Variants in A1CF observed in about 807,000 individuals in gnomAD.
The protein encoded by A1CF is APOBEC-1 stimulating protein.
A1CF carries 48 observed loss-of-function variants against 68.9 expected under a neutral mutation model. The observed-to-expected ratio is 0.70, with a 90% confidence interval of 0.55 to 0.89. The LOEUF (loss-of-function observed/expected upper bound fraction) is 0.89. Among genes scored for constraint, A1CF ranks in the 40% least tolerant of loss-of-function variants. The probability of loss-of-function intolerance (pLI) is 0.00; values close to 1 mark genes in which losing one functional copy is unlikely to be tolerated. For synonymous variants in A1CF, 272 were observed against 260.4 expected, an observed-to-expected ratio of 1.04 and a Z score of -0.43; for missense variants, 653 against 718.9, an observed-to-expected ratio of 0.91 and a Z score of 1.05.
intron 11 of A1CF, among the ~76,000 whole-genome samples, chr10:50,810,621 C>A (rs112977519): frequency 3.3e-5 from 5 of 152,136 alleles, no homozygotes; most frequent in African/African-American, 7.2e-5. Flanking sequence ...ACTACAGGCG[C>A]CTGCTGAGTA....
chr10:50,806,561 G>T lies in A1CF; in HGVS notation c.*168C>A. On this transcript the variant is annotated 3_prime_UTR_variant, in exon 13 of 13. Transcript: ENST00000373997. ...ACATTTGATTTCATTTCAGAATAAC[G>T]TTCTTACTTCATGATTCTATAATTG... 1 of 507,814 alleles carries T rather than the reference G, an allele frequency of 2.0e-6. No individual in the cohort carries two copies. The highest frequency in any genetic ancestry group is 3.1e-6 in the Non-Finnish European group (1 of 327,790). The allele number at this position is 507,814 out of a possible 1,614,324, so 31.5% of individuals were successfully genotyped here. A position where few individuals can be genotyped will look rare whatever the true frequency, so the allele number is the denominator to read the frequency against.
At chr10:50,868,683 A>G (rs1303916259) in intron 1 of A1CF, among the ~76,000 whole-genome samples, 3 of 152,224 alleles carry the variant, frequency 2.0e-5, no homozygotes, top group African/African-American at 7.2e-5. Flanking sequence ...AAAGTTGTTC[A>G]TAGTGGACAT....
chr10:50,873,756 C>A (rs756935632), intron 1 of A1CF, among the ~76,000 whole-genome samples: 7 of 151,860 alleles, frequency 4.6e-5, no homozygotes, highest in Non-Finnish European at 8.8e-5. Flanking sequence ...TATATACCAT[C>A]CTATATGGAA....
At chr10:50,843,891 G>C in intron 4 of A1CF, 97 bp downstream of exon 4, 1 of 1,421,112 alleles carries the variant, frequency 7.0e-7, no homozygotes, top group South Asian at 1.2e-5. Flanking sequence ...AATGGAAACA[G>C]CCACTGACCA....
At chr10:50,814,099 A>C (rs1245540714) in intron 9 of A1CF, 61 bp from the exon 10 acceptor site, 1 of 1,583,568 alleles carries the variant, frequency 6.3e-7, no homozygotes, top group Non-Finnish European at 8.6e-7. Flanking sequence ...GAATCAAACC[A>C]CCAGAAAATC....
At chr10:50,848,359 A>G (rs1394939619) in intron 3 of A1CF, among the ~76,000 whole-genome samples, 1 of 152,234 alleles carries the variant, frequency 6.6e-6, no homozygotes, top group Non-Finnish European at 1.5e-5. Flanking sequence ...AGGTCCTATC[A>G]TTCTCAATTT....
chr10:50,806,958 A>C, intron 12 of A1CF, 78 bp from the exon 13 acceptor site: 2 of 1,428,992 alleles, frequency 1.4e-6, no homozygotes, highest in Non-Finnish European at 1.9e-6. Flanking sequence ...TTCTTTTAGA[A>C]ATACGAACAT....
chr10:50,823,303 G>T lies in A1CF; in HGVS notation c.770-2654C>A, dbSNP rs554732768. On this transcript the variant is annotated intron_variant, in intron 7 of 12. Coordinates refer to ENST00000373997, the MANE Select transcript of A1CF (RefSeq NM_014576.4). ...ATTATGTTTCTTCTTTAGTGCATAG[G>T]AGTTTGTTTAATAATTGATCCTCAT... Among the ~76,000 whole-genome samples, 8 of 152,202 alleles carry T rather than the reference G, an allele frequency of 5.3e-5. No homozygotes were observed. The South Asian group carries it at 1.5e-3, about 28-fold the overall frequency.
intron 1 of A1CF, among the ~76,000 whole-genome samples, chr10:50,866,301 G>T (rs1840986514): frequency 6.6e-6 from 1 of 152,120 alleles, no homozygotes; most frequent in South Asian, 2.1e-4. Context: ...ATCTCTTTCT[G>T]GTTTTATATT....
intron 1 of A1CF, among the ~76,000 whole-genome samples, chr10:50,875,441 G>C (rs1471020203): frequency 6.6e-6 from 1 of 152,182 alleles, no homozygotes; most frequent in Non-Finnish European, 1.5e-5. Flanking sequence ...AAAGCTGTGG[G>C]GTAGAGAAAG....
At chr10:50,859,765 T>G in intron 3 of A1CF, 77 bp downstream of exon 3, 1 of 1,274,852 alleles carries the variant, frequency 7.8e-7, no homozygotes, top group South Asian at 1.3e-5. Context: ...ATTCCCATTT[T>G]GCATCTTAGG....
chr10:50,850,107 A>T (rs1297725822), intron 3 of A1CF, among the ~76,000 whole-genome samples: 1 of 152,198 alleles, frequency 6.6e-6, no homozygotes. Flanking sequence ...ACTTTCATTT[A>T]TTGGTTTCAC....
intron 3 of A1CF, chr10:50,850,545 C>T: frequency 7.6e-7 from 1 of 1,318,538 alleles, no homozygotes. Flanking sequence ...AATTACAAAA[C>T]AGAAAACTTA....
chr10:50,868,153 CT>C (rs1841083162), intron 1 of A1CF, among the ~76,000 whole-genome samples: 1 of 152,130 alleles, frequency 6.6e-6, no homozygotes, highest in Non-Finnish European at 1.5e-5. Flanking sequence ...CTGGACATAA[CT>C]TTTATGTAAC....
rs185184664 is a variant in A1CF, at chr10:50,824,709, C to T, written c.769+3422G>A. Among the ~76,000 whole-genome samples the T allele has an allele frequency of 1.4e-4, 22 of 152,234 alleles. No homozygotes were observed. In the East Asian group the frequency reaches 3.5e-3, roughly 24 times the overall value. On this transcript the variant is annotated intron_variant, in intron 7 of 12. Coordinates refer to ENST00000373997, the MANE Select transcript of A1CF (RefSeq NM_014576.4). ...TGAGTGAGTGAATGGAATAAGGAGG[C>T]GGCATGAGAGTATTAAAGTTTTTAA...
rs1400024030 is a variant in A1CF, at chr10:50,802,333, G to C, written c.*4396C>G. ...GTTTAACAAAACCTGATTGACAATGGTTGCACGTCAGGTAGGAATATTTAC... is the reference window on the plus strand; with the variant it reads ...GTTTAACAAAACCTGATTGACAATGCTTGCACGTCAGGTAGGAATATTTAC... On this transcript the variant is annotated 3_prime_UTR_variant, in exon 13 of 13. Transcript: ENST00000373997. 1 of 152,126 alleles carries C rather than the reference G, an allele frequency of 6.6e-6. No homozygotes were observed. Among genetic ancestry groups the C allele is most frequent in the Non-Finnish European group, 1.5e-5 (1 of 68,008 alleles). 9.4% of individuals were successfully genotyped at this position (152,126 alleles called of 1,614,324 possible).
intron 1 of A1CF, among the ~76,000 whole-genome samples, chr10:50,872,725 G>A (rs77284272): frequency 1.3e-5 from 2 of 152,138 alleles, no homozygotes; most frequent in East Asian, 3.9e-4. Flanking sequence ...CCTTCGAGGA[G>A]TGGTGTGGGT....
intron 7 of A1CF, among the ~76,000 whole-genome samples, chr10:50,827,031 AAAG>A (rs1838977235): frequency 6.6e-6 from 1 of 152,222 alleles, no homozygotes; most frequent in African/African-American, 2.4e-5. Flanking sequence ...CAAAAGAGAC[AAAG>A]AAGGCCATTA....
chr10:50,863,250 C>T (rs892929952), intron 2 of A1CF, among the ~76,000 whole-genome samples: 2 of 152,078 alleles, frequency 1.3e-5, no homozygotes, highest in Non-Finnish European at 2.9e-5. Context: ...AAGTGTTGAC[C>T]TAGTCTAAGG....
Sources: allele counts gnomAD v4.1 joint callset (sites outside exome capture counted in the v4.1 genomes callset), GRCh38; gene constraint gnomAD v4.1.1; transcripts MANE v1.5; gene names NCBI Gene and HGNC (gene_info 2026-07-23, HGNC 2026-07-21).